The following MEGF10 variants were observed in gnomAD, a reference collection of about 807,000 sequenced individuals.
MEGF10 encodes the protein multiple EGF like domains 10.
In MEGF10, 86 loss-of-function variants were observed where a neutral mutation model predicts 147.5. The observed-to-expected ratio is 0.58, with a 90% CI of 0.49 to 0.70. MEGF10 has a LOEUF of 0.70. Ranked by LOEUF, MEGF10 falls within the 30% of genes least tolerant of loss-of-function variation. The probability of loss-of-function intolerance (pLI) is 0.00; values close to 1 mark genes in which losing one functional copy is unlikely to be tolerated. For missense variants in MEGF10, 1,329 were observed against 1,487.3 expected (o/e 0.89, Z 1.75); for synonymous variants, 478 against 525.5 (o/e 0.91, Z 1.24).
chr5:127,396,282 G>A (rs926130423), intron 5 of MEGF10, among the ~76,000 whole-genome samples: 1 of 152,120 alleles, frequency 6.6e-6, no homozygotes, highest in Non-Finnish European at 1.5e-5. Flanking sequence ...CTGAGTAAAG[G>A]CATGGAGACT....
In MEGF10 at chr5:127,360,923, A is replaced by G. The variant is rs567542018; in HGVS notation, c.320-8987A>G. The stretch of plus-strand genomic sequence containing the variant: ...TGGTCATAAAGTTTAATCCTTTTAC[A>G]TATTGTTGGATTTAATTCACTAAAA... On this transcript the variant is annotated intron_variant, in intron 4 of 24. Coordinates refer to ENST00000503335, the MANE Select transcript of MEGF10 (RefSeq NM_001256545.2). Among the ~76,000 whole-genome samples, 5 of 151,910 alleles carry G rather than the reference A, an allele frequency of 3.3e-5. 1 individual carries two copies. The South Asian group carries it at 1.0e-3, about 32-fold the overall frequency.
At chr5:127,383,265 G>A (rs1171605719) in intron 5 of MEGF10, among the ~76,000 whole-genome samples, 2 of 152,098 alleles carry the variant, frequency 1.3e-5, no homozygotes, top group Non-Finnish European at 2.9e-5. Flanking sequence ...GCAGTTTATA[G>A]TATAATAATG....
Position 127,433,453 on chromosome 5 carries a change from CT to C in MEGF10, c.1785del (p.Asp596MetfsTer153). The C allele has an allele frequency of 1.2e-6, 2 of 1,613,990 alleles. No individual in the cohort carries two copies. ...TGTAAAAATGGGGCTTCATGCTCCCCTGATGATGGCATCTGCGAGTGTGCAC... is the reference window on the plus strand; with the variant it reads ...TGTAAAAATGGGGCTTCATGCTCCCCGATGATGGCATCTGCGAGTGTGCAC... ...CYCKNGASCS[P>X]DDGICECAPG... is the part of the protein sequence containing the mutation. On this transcript the variant is annotated frameshift_variant, in exon 14 of 25. Transcript: ENST00000503335. LOFTEE classifies it high-confidence loss of function.
chr5:127,354,334 A>G (rs1453243271), intron 4 of MEGF10, among the ~76,000 whole-genome samples: 1 of 152,196 alleles, frequency 6.6e-6, no homozygotes, highest in African/African-American at 2.4e-5. Context: ...TTTGGGAGTC[A>G]CAATAACTGT....
chr5:127,433,331 C>T lies in MEGF10; in HGVS notation c.1694-32C>T, dbSNP rs1197754525. ...TCTGCGGAAACTCCGCACTGCCTCT[C>T]ACTCAGCCTTGCCCCATGTGCATTA... is the stretch of plus-strand genomic sequence containing the variant. On this transcript the variant is annotated intron_variant, in intron 13 of 24. Transcript: ENST00000503335. 8.1e-6 allele frequency: 13 copies of T among 1,613,936 alleles called. 1 individual carries two copies. Among genetic ancestry groups the T allele is most frequent in the South Asian group, 3.3e-5 (3 of 91,066 alleles).
At chr5:127,312,778 G>A (rs1373589156) in intron 1 of MEGF10, among the ~76,000 whole-genome samples, 2 of 152,086 alleles carry the variant, frequency 1.3e-5, no homozygotes, top group South Asian at 2.1e-4. Flanking sequence ...AATGTTCTCT[G>A]ACTCTCTTAG....
chr5:127,357,724 G>C (rs1762330127), intron 4 of MEGF10, among the ~76,000 whole-genome samples: 1 of 151,840 alleles, frequency 6.6e-6, no homozygotes, highest in African/African-American at 2.4e-5. Flanking sequence ...CACTTAGCAG[G>C]GGCTGGATGA....
the MEGF10 span, among the ~76,000 whole-genome samples, chr5:127,247,007 T>TATATATATATATATAC: frequency 7.5e-6 from 1 of 133,108 alleles, no homozygotes; most frequent in Non-Finnish European, 1.6e-5. Context: ...TATATATATA[T>TATATATATATATATAC]AGACACACCA....
chr5:127,402,690 A>T lies in MEGF10; in HGVS notation c.917+8A>T. ...AGGATACACAGGGGAACGGTAAGGGATGCCCTTGTATTTCTCTGACTGTTT... is the reference window on the plus strand; with the variant it reads ...AGGATACACAGGGGAACGGTAAGGGTTGCCCTTGTATTTCTCTGACTGTTT... On this transcript the variant is annotated splice_region_variant and intron_variant, in intron 8 of 24. Transcript: ENST00000503335. 1 of 1,613,490 alleles carries T rather than the reference A, an allele frequency of 6.2e-7. No homozygotes were observed.
the MEGF10 span, among the ~76,000 whole-genome samples, chr5:127,260,476 G>A: frequency 6.6e-6 from 1 of 152,128 alleles, no homozygotes; most frequent in Non-Finnish European, 1.5e-5. Flanking sequence ...ATGTCTCATT[G>A]TCATAACTAG....
At chr5:127,247,393 A>T in the MEGF10 span, among the ~76,000 whole-genome samples, 1 of 36,230 alleles carries the variant, frequency 2.8e-5, no homozygotes, top group Non-Finnish European at 5.4e-5. Context: ...GAAGAAGAAG[A>T]AGAAGAAGAA....
intron 13 of MEGF10, 80 bp from the exon 14 acceptor site, chr5:127,433,283 T>C: frequency 6.4e-7 from 1 of 1,569,604 alleles, no homozygotes; most frequent in Non-Finnish European, 8.7e-7. Context: ...ACTGTGAGCT[T>C]AGTCCTCATC....
intron 4 of MEGF10, among the ~76,000 whole-genome samples, chr5:127,357,795 A>G (rs1047544033): frequency 6.6e-6 from 1 of 152,122 alleles, no homozygotes; most frequent in African/African-American, 2.4e-5. Context: ...AACAATTTTA[A>G]CTTAAAACTT....
chr5:127,244,195 CAAAA>C, the MEGF10 span, among the ~76,000 whole-genome samples: 2 of 70,598 alleles, frequency 2.8e-5, no homozygotes, highest in African/African-American at 1.2e-4. Flanking sequence ...AAACTCTGTC[CAAAA>C]AAAAAAAAAA....
chr5:127,236,047 A>G, the MEGF10 span, among the ~76,000 whole-genome samples: 2 of 151,428 alleles, frequency 1.3e-5, no homozygotes, highest in African/African-American at 2.4e-5. Context: ...ATCTCGGCTC[A>G]CTCCAACCTC....
At chr5:127,424,596 G>T in intron 13 of MEGF10, 1 of 1,345,498 alleles carries the variant, frequency 7.4e-7, no homozygotes, top group Non-Finnish European at 9.5e-7. Flanking sequence ...AAACTGAGAT[G>T]AACTGTCATG....
Position 127,309,994 on chromosome 5 carries a change from T to TTTCTTTCTTTCCTTCC in MEGF10, c.-19+18941_-19+18942insTTTCTTTCCTTCCTTC, listed in dbSNP as rs781685715. 2.1e-3 allele frequency among the ~76,000 whole-genome samples: 122 copies of TTTCTTTCTTTCCTTCC among 56,854 alleles called. 5 individuals are homozygous for TTTCTTTCTTTCCTTCC. The highest frequency in any genetic ancestry group is 0.011 in the Middle Eastern group (1 of 92). The allele number at this position is 56,854 out of a possible 152,430, so 37.3% of individuals were successfully genotyped here. A position where few individuals can be genotyped will look rare whatever the true frequency, so the allele number is the denominator to read the frequency against. On this transcript the variant is annotated intron_variant, in intron 1 of 24. Transcript: ENST00000503335. Reference sequence around the variant, plus strand: ...CTTTCTTTCTTTCTTTCTTTCTTTCTTTCCTTCCTTCCTTCCTTTCTTTTT... The same window carrying TTTCTTTCTTTCCTTCC: ...CTTTCTTTCTTTCTTTCTTTCTTTCTTTCTTTCTTTCCTTCCTTCCTTCCTTCCTTCCTTTCTTTTT...
chr5:127,370,207 C>A (rs1053526932), intron 5 of MEGF10, among the ~76,000 whole-genome samples: 1 of 152,116 alleles, frequency 6.6e-6, no homozygotes, highest in African/African-American at 2.4e-5. Context: ...AAGAAAAGTT[C>A]TTGGAAAGAA....
At chr5:127,418,358 T>C (rs1292757976) in intron 10 of MEGF10, among the ~76,000 whole-genome samples, 1 of 152,258 alleles carries the variant, frequency 6.6e-6, no homozygotes. Context: ...ATCTTTGCTT[T>C]AAAGGAGAAT....
Sources: gnomAD v4.1 joint callset for allele counts (sites outside exome capture counted in the v4.1 genomes callset) on GRCh38, gnomAD v4.1.1 for gene constraint, MANE v1.5 for transcripts, NCBI Gene and HGNC (gene_info 2026-07-23, HGNC 2026-07-21) for gene names.